KLHL42: variants seen among roughly 807,000 people sequenced by gnomAD.
KLHL42 encodes kelch like family member 42.
A neutral mutation model predicts 32.7 loss-of-function variants in KLHL42; 27 were observed. That is an observed-to-expected ratio of 0.83 (90% CI 0.61 to 1.14). The LOEUF (loss-of-function observed/expected upper bound fraction) is 1.14, where lower values mean the gene tolerates loss of function less well. KLHL42 is among the 50% of genes most tolerant of loss of function. KLHL42 has a pLI of 0.00. For synonymous variants in KLHL42, 267 were observed against 248.2 expected, an observed-to-expected ratio of 1.08 and a Z score of -0.71; for missense variants, 491 against 560.8, an observed-to-expected ratio of 0.88 and a Z score of 1.26.
At chr12:27,794,292 T>C (rs1258615411) in intron 2 of KLHL42, among the ~76,000 whole-genome samples, 2 of 152,180 alleles carry the variant, frequency 1.3e-5, no homozygotes, top group Non-Finnish European at 2.9e-5. Context: ...TTCTAGTCTC[T>C]GGTAGCTCGG....
At chr12:27,783,675 G>T (rs1461150876) in intron 1 of KLHL42, among the ~76,000 whole-genome samples, 2 of 151,522 alleles carry the variant, frequency 1.3e-5, no homozygotes, top group Non-Finnish European at 2.9e-5. Flanking sequence ...TCCGCCTCCC[G>T]GGTTCACGCC....
chr12:27,797,678 T>C, intron 2 of KLHL42, 37 bp from the exon 3 acceptor site: 1 of 673,754 alleles, frequency 1.5e-6, no homozygotes, highest in Non-Finnish European at 2.7e-6. Context: ...GTGGTGTTAG[T>C]GGAGGCGGTG....
Position 27,801,924 on chromosome 12 carries a change from C to T in KLHL42, c.*3758C>T, listed in dbSNP as rs964194433. On this transcript the variant is annotated 3_prime_UTR_variant, in exon 3 of 3. Transcript: ENST00000381271. ...GCCCATGACCTTGAAGAGCTTACGG[C>T]CTTATAAAGAGGTTCACTGTAATTG... The T allele has an allele frequency of 2.4e-4, 36 of 151,852 alleles. No homozygotes were observed. The highest frequency in any genetic ancestry group is 8.7e-4 in the African/African-American group (36 of 41,346). The allele number at this position is 151,852 out of a possible 1,614,324, so 9.4% of individuals were successfully genotyped here.
At position 27,798,835 on chromosome 12, in the gene KLHL42, G is replaced by T. The variant is rs1479073617; in HGVS notation, c.*669G>T. The stretch of plus-strand genomic sequence containing the variant: ...TGCAGTTACAAATGCTGGATAAATA[G>T]ACTGATAAAACCTCTTATTTTATTT... On this transcript the variant is annotated 3_prime_UTR_variant, in exon 3 of 3. Transcript: ENST00000381271. 1 of 152,342 alleles carries T rather than the reference G, an allele frequency of 6.6e-6. No individual in the cohort carries two copies. Among genetic ancestry groups the T allele is most frequent in the Non-Finnish European group, 1.5e-5 (1 of 68,034 alleles). The allele number at this position is 152,342 out of a possible 1,614,324, so 9.4% of individuals were successfully genotyped here.
rs150604475 is a variant in KLHL42, at chr12:27,793,231, A to T, written c.1066+1330A>T. Reference sequence around the variant, plus strand: ...GGACAGGCCTGGGCAACATAGCAAGACACCTTCTCTAAAAATGAAAAAAAT... The same window carrying T: ...GGACAGGCCTGGGCAACATAGCAAGTCACCTTCTCTAAAAATGAAAAAAAT... On this transcript the variant is annotated intron_variant, in intron 2 of 2. Transcript: ENST00000381271. Among the ~76,000 whole-genome samples, 1,437 of 151,766 alleles carry T rather than the reference A, an allele frequency of 9.5e-3. 10 individuals carry two copies. The highest frequency in any genetic ancestry group is 0.02 in the South Asian group (95 of 4,790).
At chr12:27,789,794 C>T (rs756993131) in intron 1 of KLHL42, among the ~76,000 whole-genome samples, 21 of 152,226 alleles carry the variant, frequency 1.4e-4, no homozygotes, top group East Asian at 9.6e-4. Flanking sequence ...GCCACCCTGA[C>T]GTCTGTTGGC....
chr12:27,791,939 T>C (rs1412849815), intron 2 of KLHL42, 38 bp downstream of exon 2: 1 of 1,586,942 alleles, frequency 6.3e-7, no homozygotes, highest in Admixed American at 1.7e-5. Flanking sequence ...TGCCCATGTG[T>C]AGGCGTCAGC....
chr12:27,788,835 TGATA>T (rs2062184522), intron 1 of KLHL42, among the ~76,000 whole-genome samples: 1 of 152,270 alleles, frequency 6.6e-6, no homozygotes, highest in Non-Finnish European at 1.5e-5. Context: ...TATATAGCTA[TGATA>T]GATGACTTGT....
At position 27,800,145 on chromosome 12, in the gene KLHL42, C is replaced by A; in HGVS notation, c.*1979C>A. The A allele has an allele frequency of 1.0e-6, 1 of 985,186 alleles. No individual in the cohort carries two copies. The highest frequency in any genetic ancestry group is 1.2e-6 in the Non-Finnish European group (1 of 829,742). 61.0% of individuals were successfully genotyped at this position (985,186 alleles called of 1,614,324 possible). A position where few individuals can be genotyped will look rare whatever the true frequency, so the allele number is the denominator to read the frequency against. ...AGAAGATGAGTCAGTTGAATTAGTA[C>A]TGGACAAACAGTTGGAGATTAGTTT... On this transcript the variant is annotated 3_prime_UTR_variant, in exon 3 of 3. Coordinates refer to ENST00000381271, the MANE Select transcript of KLHL42 (RefSeq NM_020782.2).
Position 27,780,396 on chromosome 12 carries a change from G to C in KLHL42, c.66G>C (p.Lys22Asn). 1.9e-6 allele frequency: 3 copies of C among 1,574,640 alleles called. No individual in the cohort carries two copies. The South Asian group carries it at 3.5e-5, about 18-fold the overall frequency. ...EDRCYPVSKRKLIEQSDYFRA... is the reference protein window; with the variant it reads ...EDRCYPVSKRNLIEQSDYFRA... The stretch of plus-strand genomic sequence containing the variant: ...GCTGCTACCCGGTGAGCAAGAGGAA[G>C]CTCATCGAGCAGAGCGACTACTTCC... Residue 22 changes from lysine (K) to asparagine (N), a missense_variant, in exon 1 of 3, where the codon AAG (lysine) becomes AAC (asparagine). Lys to Asn is a moderately conservative substitution (Grantham distance 94). Around this residue, in one of 4 missense-constraint regions of KLHL42, gnomAD observed 88 missense variants for 89.0 expected, o/e 0.99. Coordinates refer to ENST00000381271, the MANE Select transcript of KLHL42 (RefSeq NM_020782.2). This position sits in a 1 kb window ranked among gnomAD's most constrained non-coding sequence, Gnocchi z 8.8.
intron 1 of KLHL42, among the ~76,000 whole-genome samples, chr12:27,789,688 A>C (rs1366983966): frequency 6.6e-6 from 1 of 152,180 alleles, no homozygotes; most frequent in Non-Finnish European, 1.5e-5. Context: ...TTGGTTCCCC[A>C]AATTTGCACA....
At position 27,802,077 on chromosome 12, in the gene KLHL42, C is replaced by T. The variant is rs1361039320; in HGVS notation, c.*3911C>T. 5.3e-5 allele frequency: 8 copies of T among 152,216 alleles called. No homozygotes were observed. Among genetic ancestry groups the T allele is most frequent in the East Asian group, 1.9e-4 (1 of 5,176 alleles). The allele number at this position is 152,216 out of a possible 1,614,324, so 9.4% of individuals were successfully genotyped here. A position where few individuals can be genotyped will look rare whatever the true frequency, so the allele number is the denominator to read the frequency against. ...TTTTGTGATTTACTAACAATCATCA[C>T]GAACCAGTTTTGTTTTTCTTTTAAA... On this transcript the variant is annotated 3_prime_UTR_variant, in exon 3 of 3. Coordinates refer to ENST00000381271, the MANE Select transcript of KLHL42 (RefSeq NM_020782.2).
intron 1 of KLHL42, among the ~76,000 whole-genome samples, chr12:27,784,129 T>TTG (rs2062161116): frequency 1.4e-5 from 2 of 147,970 alleles, no homozygotes; most frequent in Admixed American, 6.8e-5. Flanking sequence ...TGTTTTTTTT[T>TTG]TTTGTTTTTG....
chr12:27,786,719 G>GTTTTTTT (rs11341444), intron 1 of KLHL42, among the ~76,000 whole-genome samples: 6 of 101,142 alleles, frequency 5.9e-5, no homozygotes, highest in African/African-American at 1.5e-4. Flanking sequence ...GATTGAAAGA[G>GTTTTTTT]TTTTTTTTTT....
In KLHL42 at chr12:27,800,127, G is replaced by C; in HGVS notation, c.*1961G>C. The C allele has an allele frequency of 1.0e-6, 1 of 984,930 alleles. No homozygotes were observed. Among genetic ancestry groups the C allele is most frequent in the Non-Finnish European group, 1.2e-6 (1 of 829,448 alleles). 61.0% of individuals were successfully genotyped at this position (984,930 alleles called of 1,614,324 possible). On this transcript the variant is annotated 3_prime_UTR_variant, in exon 3 of 3. Transcript: ENST00000381271. Reference sequence around the variant, plus strand: ...GCTTTGTCCTATACATTTAGAAGATGAGTCAGTTGAATTAGTACTGGACAA... The same window carrying C: ...GCTTTGTCCTATACATTTAGAAGATCAGTCAGTTGAATTAGTACTGGACAA...
Position 27,781,064 on chromosome 12 carries a change from G to A in KLHL42, c.734G>A (p.Gly245Asp). 1.2e-6 allele frequency: 2 copies of A among 1,614,128 alleles called. No homozygotes were observed. Among genetic ancestry groups the A allele is most frequent in the Admixed American group, 1.7e-5 (1 of 60,014 alleles). The change falls in exon 1 of 3, where the codon GGC becomes GAC. Residue 245 changes from glycine to aspartate, a missense_variant. By Grantham distance (94) the Gly-to-Asp change is moderately conservative. Around this residue, in one of 4 missense-constraint regions of KLHL42, gnomAD observed 248 missense variants for 329.2 expected, o/e 0.75. Transcript: ENST00000381271. Reference protein sequence around the residue: ...NLPPDLVNVRGYGSAILDNYL... With the variant: ...NLPPDLVNVRDYGSAILDNYL... Reference sequence around the variant, plus strand: ...CCTCCCGACCTGGTCAATGTCAGGGGCTATGGGTCTGCCATCCTGGACAAC... The same window carrying A: ...CCTCCCGACCTGGTCAATGTCAGGGACTATGGGTCTGCCATCCTGGACAAC...
intron 1 of KLHL42, among the ~76,000 whole-genome samples, chr12:27,787,349 G>T (rs2062176786): frequency 1.3e-5 from 2 of 151,954 alleles, no homozygotes; most frequent in South Asian, 4.2e-4. Context: ...ACAAAAATTA[G>T]CTGGGCATGG....
rs1414550638 is a variant in KLHL42, at chr12:27,797,800, G to A, written c.1152G>A (p.Gln384=). The part of the protein sequence containing the change: ...FETCDVHIRK[Q]QMVSVEETIY... Reference sequence around the variant, plus strand: ...CATGTGACGTCCACATTCGCAAGCAGCAGATGGTGTCTGTGGAAGAGACCA... The same window carrying A: ...CATGTGACGTCCACATTCGCAAGCAACAGATGGTGTCTGTGGAAGAGACCA... The change falls in exon 3 of 3, where the codon CAG becomes CAA. Residue 384 remains glutamine (Q), a synonymous_variant. Coordinates refer to ENST00000381271, the MANE Select transcript of KLHL42 (RefSeq NM_020782.2). 3.9e-6 allele frequency: 3 copies of A among 768,296 alleles called. No homozygotes were observed. Among genetic ancestry groups the A allele is most frequent in the Non-Finnish European group, 4.9e-6 (2 of 409,306 alleles). 47.6% of individuals were successfully genotyped at this position (768,296 alleles called of 1,614,324 possible).
At position 27,780,521 on chromosome 12, in the gene KLHL42, T is replaced by G. The variant is rs2062141713; in HGVS notation, c.191T>G (p.Leu64Arg). 1.3e-6 allele frequency: 2 copies of G among 1,543,928 alleles called. No individual in the cohort carries two copies. The highest frequency in any genetic ancestry group is 8.7e-7 in the Non-Finnish European group (1 of 1,148,834). The change falls in exon 1 of 3, where the codon CTG (leucine) becomes CGG (arginine). Residue 64 changes from leucine (L) to arginine (R), a missense_variant. By Grantham distance (102) the Leu-to-Arg change is moderately radical. Around this residue, in one of 4 missense-constraint regions of KLHL42, gnomAD observed 3 missense variants for 16.6 expected, o/e 0.18. Coordinates refer to ENST00000381271, the MANE Select transcript of KLHL42 (RefSeq NM_020782.2). The surrounding 1 kb of genome is among the most constrained non-coding windows in gnomAD (Gnocchi z 8.8). ...LRGLSAPGLR[L>R]VLDFINAGGA... The stretch of plus-strand genomic sequence containing the variant: ...GGCCTCAGCGCGCCGGGCCTGCGGC[T>G]GGTGCTGGACTTCATCAACGCCGGC...
Sources: allele counts gnomAD v4.1 joint callset (sites outside exome capture counted in the v4.1 genomes callset), GRCh38; gene constraint gnomAD v4.1.1; regional missense constraint gnomAD v4.1.1; non-coding constraint Gnocchi (gnomAD v3.1); transcripts MANE v1.5; gene names NCBI Gene and HGNC (gene_info 2026-07-23, HGNC 2026-07-21).